The following CELF2 variants were observed in gnomAD, a reference collection of about 807,000 sequenced individuals.
CELF2 encodes the protein CUG triplet repeat RNA-binding protein 2.
CELF2 carries 8 observed loss-of-function variants against 62.6 expected under a neutral mutation model. That is an observed-to-expected ratio of 0.13 (90% CI 0.07 to 0.23). The LOEUF is 0.23. Ranked by LOEUF, CELF2 falls within the 10% of genes least tolerant of loss-of-function variation. CELF2 has a pLI of 1.00. For synonymous variants in CELF2, 258 were observed against 250.0 expected, an observed-to-expected ratio of 1.03 and a Z score of -0.30; for missense variants, 333 against 671.0, an observed-to-expected ratio of 0.50 and a Z score of 5.56.
At chr10:11,141,514 A>G (rs1325406155) in intron 1 of CELF2, among the ~76,000 whole-genome samples, 1 of 152,246 alleles carries the variant, frequency 6.6e-6, no homozygotes, top group Non-Finnish European at 1.5e-5. Context: ...GACCTGGTGC[A>G]ACAGAAGCAG....
rs182186208 is a variant in CELF2, at chr10:10,870,277, A to G, written c.54-49687A>G. On this transcript the variant is annotated intron_variant, in intron 1 of 13. Coordinates refer to the CELF2 transcript ENST00000636488. ...AGGGACATTTGGTATATATAAAAAA[A>G]GGCCATAAGTCATTGAGATTATTTC... Among the ~76,000 whole-genome samples the G allele has an allele frequency of 2.3e-3, 355 of 152,332 alleles. 1 individual carries two copies. Among genetic ancestry groups the G allele is most frequent in the African/African-American group, 8.2e-3 (339 of 41,578 alleles).
the CELF2 span, among the ~76,000 whole-genome samples, chr10:10,476,569 A>G: frequency 1.1e-4 from 17 of 152,028 alleles, no homozygotes; most frequent in African/African-American, 4.1e-4. Flanking sequence ...CTTTAACCCA[A>G]AGATTTTTAT....
the CELF2 span, among the ~76,000 whole-genome samples, chr10:10,541,165 C>T: frequency 4.6e-5 from 7 of 150,580 alleles, no homozygotes; most frequent in African/African-American, 1.7e-4. Context: ...ATGGCGAGAA[C>T]CCGGGAGGCG....
the CELF2 span, among the ~76,000 whole-genome samples, chr10:10,512,030 G>A: frequency 3.9e-3 from 600 of 152,298 alleles, 1 homozygote; most frequent in Admixed American, 6.9e-3. Flanking sequence ...GGAACACAGG[G>A]ATGTCAAAAT....
At chr10:10,737,149 G>A in the CELF2 span, among the ~76,000 whole-genome samples, 1 of 152,122 alleles carries the variant, frequency 6.6e-6, no homozygotes, top group African/African-American at 2.4e-5. Flanking sequence ...CTACTTTAAT[G>A]TGTTTGTTGG....
chr10:10,980,943 C>T (rs1301420388), intron 2 of CELF2, among the ~76,000 whole-genome samples: 2 of 152,130 alleles, frequency 1.3e-5, no homozygotes, highest in South Asian at 4.1e-4. Flanking sequence ...TTTGATAGCG[C>T]TACTCATTAC....
chr10:11,305,992 A>T lies in CELF2; in HGVS notation c.977-8147A>T, dbSNP rs1214392714. On this transcript the variant is annotated intron_variant, in intron 9 of 12. Coordinates refer to ENST00000633077, the MANE Select transcript of CELF2 (RefSeq NM_001326342.2). The surrounding 1 kb of genome is among the most constrained non-coding windows in gnomAD (Gnocchi z 4.8). ...CACATGAGCTGATAAAACCATGGCC[A>T]TCCTTGCCTGCTCAACCATTCTCTT... is the stretch of plus-strand genomic sequence containing the variant. Among the ~76,000 whole-genome samples, 1 of 152,166 alleles carries T rather than the reference A, an allele frequency of 6.6e-6. No individual in the cohort carries two copies. Among genetic ancestry groups the T allele is most frequent in the African/African-American group, 2.4e-5 (1 of 41,418 alleles).
At position 11,073,094 on chromosome 10, in the gene CELF2, T is replaced by C. The variant is rs573464933; in HGVS notation, c.74+54931T>C. 4.6e-5 allele frequency among the ~76,000 whole-genome samples: 7 copies of C among 152,296 alleles called. No individual in the cohort carries two copies. The East Asian group carries it at 1.3e-3, about 29-fold the overall frequency. The stretch of plus-strand genomic sequence containing the variant: ...AATATAAATAATGCTAATATAATTA[T>C]ACCAAAATATTAACATGTCAAATCT... On this transcript the variant is annotated intron_variant, in intron 1 of 12. Transcript: ENST00000633077.
chr10:10,654,451 C>T, the CELF2 span, among the ~76,000 whole-genome samples: 3 of 113,850 alleles, frequency 2.6e-5, no homozygotes, highest in Admixed American at 8.8e-5. Context: ...TTGATGAACA[C>T]TGATGCAAAA....
rs548652844 is a variant in CELF2 at position 10,983,315 on chromosome 10, G to T, written c.89+63316G>T. 1.3e-5 allele frequency among the ~76,000 whole-genome samples: 2 copies of T among 152,190 alleles called. No homozygotes were observed. Among genetic ancestry groups the T allele is most frequent in the African/African-American group, 4.8e-5 (2 of 41,536 alleles). ...TAGTAAAACTAGCTGAGGGTGCTTG[G>T]GGGTAGGGTATTCAGTTAGTAACCT... On this transcript the variant is annotated intron_variant, in intron 2 of 13. Coordinates refer to the CELF2 transcript ENST00000636488. This position sits in a 1 kb window ranked among gnomAD's most constrained non-coding sequence, Gnocchi z 5.2.
chr10:11,237,753 C>T lies in CELF2; in HGVS notation c.355-11400C>T, dbSNP rs910212525. Among the ~76,000 whole-genome samples, 1 of 114,814 alleles carries T rather than the reference C, an allele frequency of 8.7e-6. No individual in the cohort carries two copies. Among genetic ancestry groups the T allele is most frequent in the Non-Finnish European group, 1.9e-5 (1 of 52,936 alleles). The allele number at this position is 114,814 out of a possible 152,430, so 75.3% of individuals were successfully genotyped here. A position where few individuals can be genotyped will look rare whatever the true frequency, so the allele number is the denominator to read the frequency against. On this transcript the variant is annotated intron_variant, in intron 3 of 12. Transcript: ENST00000633077. This position sits in a 1 kb window ranked among gnomAD's most constrained non-coding sequence, Gnocchi z 4.0. The stretch of plus-strand genomic sequence containing the variant: ...CAACAGCTGGCACTGGGGAGGGCAC[C>T]GAAGGCTGAGGGAGCACTGAGGCCC...
At chr10:11,115,200 A>AT (rs2056277911) in intron 1 of CELF2, among the ~76,000 whole-genome samples, 2 of 152,308 alleles carry the variant, frequency 1.3e-5, no homozygotes, top group Middle Eastern at 3.4e-3. Context: ...ACACAAATTG[A>AT]TTTTTTCAAC....
At position 11,318,764 on chromosome 10, in the gene CELF2, A is replaced by G. The variant is rs1432377455; in HGVS notation, c.1097-2425A>G. The G allele has an allele frequency of 1.1e-5, 5 of 468,498 alleles. No individual in the cohort carries two copies. The highest frequency in any genetic ancestry group is 2.2e-5 in the Non-Finnish European group (5 of 226,026). The allele number at this position is 468,498 out of a possible 1,614,324, so 29.0% of individuals were successfully genotyped here. A position where few individuals can be genotyped will look rare whatever the true frequency, so the allele number is the denominator to read the frequency against. ...TTTTTCTGACCTGGAAATTAAAAAA[A>G]CAGCTGTGTACAGAGAAGGGAGTTG... On this transcript the variant is annotated intron_variant, in intron 10 of 12. Transcript: ENST00000633077. The surrounding 1 kb of genome is among the most constrained non-coding windows in gnomAD (Gnocchi z 5.4).
chr10:11,330,569 T>C lies in CELF2; in HGVS notation c.*1516T>C, dbSNP rs1379773083. The C allele has an allele frequency of 6.6e-6, 1 of 152,616 alleles. No individual in the cohort carries two copies. Among genetic ancestry groups the C allele is most frequent in the Non-Finnish European group, 1.5e-5 (1 of 68,040 alleles). 9.5% of individuals were successfully genotyped at this position (152,616 alleles called of 1,614,324 possible). The stretch of plus-strand genomic sequence containing the variant: ...ATGTCTTTCTGACCTCACATCATAT[T>C]TGGTTCTCCTACTGACCTTTGATCT... On this transcript the variant is annotated 3_prime_UTR_variant, in exon 13 of 13. Transcript: ENST00000633077. This position sits in a 1 kb window ranked among gnomAD's most constrained non-coding sequence, Gnocchi z 4.5.
At chr10:10,877,964 G>A (rs920391749) in intron 1 of CELF2, among the ~76,000 whole-genome samples, 1 of 152,134 alleles carries the variant, frequency 6.6e-6, no homozygotes, top group Non-Finnish European at 1.5e-5. Context: ...CAGAAACCAA[G>A]ATGCACTCTT....
At chr10:11,164,564 GCAA>G in intron 1 of CELF2, among the ~76,000 whole-genome samples, 1 of 152,174 alleles carries the variant, frequency 6.6e-6, no homozygotes, top group East Asian at 1.9e-4. Flanking sequence ...GAACTCAAGT[GCAA>G]CATCTGGAAG....
At position 11,027,370 on chromosome 10, in the gene CELF2, T is replaced by G. The variant is rs1454050605; in HGVS notation, c.74+9207T>G. ...AAATGGACGGTGTTTCTTCCTCTTCTGGGTACCTAGAGCGCTTGGGAATGC... is the reference window on the plus strand; with the variant it reads ...AAATGGACGGTGTTTCTTCCTCTTCGGGGTACCTAGAGCGCTTGGGAATGC... On this transcript the variant is annotated intron_variant, in intron 1 of 12. Coordinates refer to ENST00000633077, the MANE Select transcript of CELF2 (RefSeq NM_001326342.2). Among the ~76,000 whole-genome samples, 4 of 152,294 alleles carry G rather than the reference T, an allele frequency of 2.6e-5. No homozygotes were observed. The East Asian group carries it at 7.7e-4, about 29-fold the overall frequency.
intron 2 of CELF2, among the ~76,000 whole-genome samples, chr10:10,949,021 C>T (rs1023099148): frequency 1.3e-5 from 2 of 152,132 alleles, no homozygotes; most frequent in Non-Finnish European, 2.9e-5. Context: ...TGAACACGCA[C>T]ACACAAACAG....
In CELF2 at chr10:10,938,660, A is replaced by C. The variant is rs566536944; in HGVS notation, c.89+18661A>C. Among the ~76,000 whole-genome samples the C allele has an allele frequency of 6.6e-6, 1 of 152,102 alleles. No individual in the cohort carries two copies. The highest frequency in any genetic ancestry group is 1.5e-5 in the Non-Finnish European group (1 of 68,016). ...GTCTCCCAAGTGAGTTTGTAGGTTC[A>C]CTGAATTTCCCCAAAGAAGATCCTG... On this transcript the variant is annotated intron_variant, in intron 2 of 13. Transcript: ENST00000636488. This position sits in a 1 kb window ranked among gnomAD's most constrained non-coding sequence, Gnocchi z 4.2.
Sources: allele counts gnomAD v4.1 joint callset (sites outside exome capture counted in the v4.1 genomes callset), GRCh38; gene constraint gnomAD v4.1.1; non-coding constraint Gnocchi (gnomAD v3.1); transcripts MANE v1.5; gene names NCBI Gene and HGNC (gene_info 2026-07-23, HGNC 2026-07-21).